EBF1: variants seen among roughly 807,000 people sequenced by gnomAD.
The protein encoded by EBF1 is EBF transcription factor 1, also known as transcription factor COE1.
EBF1 carries 10 observed loss-of-function variants against 68.4 expected under a neutral mutation model. That is an observed-to-expected ratio of 0.15 (90% CI 0.09 to 0.25). EBF1 has a LOEUF of 0.25. Ranked by LOEUF, EBF1 falls within the 10% of genes least tolerant of loss-of-function variation. The pLI is 1.00. For synonymous variants in EBF1, 298 were observed against 299.8 expected (o/e 0.99, Z 0.06); for missense variants, 509 against 794.4 (o/e 0.64, Z 4.32).
At chr5:158,727,267 A>G (rs570841452) in intron 11 of EBF1, among the ~76,000 whole-genome samples, 1 of 152,192 alleles carries the variant, frequency 6.6e-6, no homozygotes, top group East Asian at 1.9e-4. Context: ...CTCAGGGCTC[A>G]CTCTCACTCA....
intron 6 of EBF1, among the ~76,000 whole-genome samples, chr5:158,913,061 C>A (rs1303917597): frequency 6.6e-6 from 1 of 152,172 alleles, no homozygotes; most frequent in Non-Finnish European, 1.5e-5. Context: ...AGAAATACTG[C>A]ACATGAGGAT....
chr5:158,734,639 A>C (rs533133741), intron 10 of EBF1, among the ~76,000 whole-genome samples: 2 of 152,314 alleles, frequency 1.3e-5, no homozygotes, highest in Non-Finnish European at 2.9e-5. Context: ...ATTGTACCCA[A>C]GCGCAGGGCT....
chr5:158,851,232 A>T (rs1052123551), intron 6 of EBF1, among the ~76,000 whole-genome samples: 1 of 151,126 alleles, frequency 6.6e-6, no homozygotes, highest in East Asian at 2.0e-4. Context: ...AAAATTAGCC[A>T]GGCGTGGTGG....
intron 6 of EBF1, among the ~76,000 whole-genome samples, chr5:158,868,819 G>GACAAAA (rs1796373086): frequency 6.6e-6 from 1 of 152,120 alleles, no homozygotes; most frequent in Non-Finnish European, 1.5e-5. Context: ...ACAAAAGGGT[G>GACAAAA]GGAATGTCAT....
chr5:158,742,850 G>T (rs1210174851), intron 10 of EBF1, among the ~76,000 whole-genome samples: 2 of 152,050 alleles, frequency 1.3e-5, no homozygotes, highest in African/African-American at 4.8e-5. Flanking sequence ...GAACAAAGGA[G>T]AAAAAAATAG....
At chr5:158,730,111 A>G (rs1458135596) in intron 11 of EBF1, among the ~76,000 whole-genome samples, 1 of 152,282 alleles carries the variant, frequency 6.6e-6, no homozygotes, top group Non-Finnish European at 1.5e-5. Flanking sequence ...CTGTGGCAAG[A>G]AAGAGTCCTT....
intron 6 of EBF1, among the ~76,000 whole-genome samples, chr5:158,853,446 G>A (rs1793370150): frequency 1.3e-5 from 2 of 152,184 alleles, no homozygotes; most frequent in Non-Finnish European, 2.9e-5. Context: ...CCAAAAAGAT[G>A]TGCAGCTGGG....
At chr5:158,963,483 C>G (rs1052725908) in intron 6 of EBF1, among the ~76,000 whole-genome samples, 2 of 152,166 alleles carry the variant, frequency 1.3e-5, no homozygotes, top group Non-Finnish European at 2.9e-5. Context: ...GCTTCTCCCT[C>G]CAACTGAAAA....
At chr5:158,959,460 T>G (rs1446770594) in intron 6 of EBF1, among the ~76,000 whole-genome samples, 1 of 151,900 alleles carries the variant, frequency 6.6e-6, no homozygotes, top group Non-Finnish European at 1.5e-5. Flanking sequence ...CCTGGAAGAT[T>G]TTTGTATTTT....
intron 11 of EBF1, among the ~76,000 whole-genome samples, chr5:158,723,206 C>G (rs1762299463): frequency 6.6e-6 from 1 of 152,176 alleles, no homozygotes; most frequent in South Asian, 2.1e-4. Flanking sequence ...GTGAGCTAAC[C>G]TCAGGTCTAG....
intron 6 of EBF1, among the ~76,000 whole-genome samples, chr5:158,935,638 A>G (rs1283593983): frequency 6.6e-6 from 1 of 152,190 alleles, no homozygotes; most frequent in Non-Finnish European, 1.5e-5. Context: ...TAACATGATT[A>G]TTTTCTTCCC....
At chr5:158,862,090 C>T (rs1795056523) in intron 6 of EBF1, among the ~76,000 whole-genome samples, 1 of 152,062 alleles carries the variant, frequency 6.6e-6, no homozygotes, top group Non-Finnish European at 1.5e-5. Context: ...GATAAATAAT[C>T]CCTTGGTGAA....
At chr5:158,700,264 G>C (rs1012533902) in intron 15 of EBF1, among the ~76,000 whole-genome samples, 1 of 152,220 alleles carries the variant, frequency 6.6e-6, no homozygotes, top group African/African-American at 2.4e-5. Flanking sequence ...AAGAATAAAA[G>C]GATAACTAAG....
At chr5:158,719,160 T>C (rs957918623) in intron 11 of EBF1, among the ~76,000 whole-genome samples, 6 of 152,190 alleles carry the variant, frequency 3.9e-5, no homozygotes, top group Non-Finnish European at 7.4e-5. Context: ...ATATATAAAT[T>C]CCCAAAGGTC....
intron 15 of EBF1, among the ~76,000 whole-genome samples, chr5:158,707,040 A>T (rs1758011467): frequency 6.6e-6 from 1 of 152,226 alleles, no homozygotes; most frequent in South Asian, 2.1e-4. Flanking sequence ...AGTATTTAGG[A>T]GATGAATGTT....
chr5:158,868,417 C>A (rs1451445028), intron 6 of EBF1, among the ~76,000 whole-genome samples: 1 of 152,164 alleles, frequency 6.6e-6, no homozygotes, highest in Non-Finnish European at 1.5e-5. Flanking sequence ...AAAGTACTTG[C>A]ATTGCACTTC....
chr5:159,057,104 CTTTTTTTTT>C, intron 6 of EBF1, among the ~76,000 whole-genome samples: 1 of 110,658 alleles, frequency 9.0e-6, no homozygotes, highest in East Asian at 2.4e-4. Flanking sequence ...CTTTTCTTTT[CTTTTTTTTT>C]TTTTTTTTTT....
At chr5:158,842,548 G>C (rs529640982) in intron 6 of EBF1, among the ~76,000 whole-genome samples, 4 of 152,310 alleles carry the variant, frequency 2.6e-5, no homozygotes, top group African/African-American at 9.6e-5. Context: ...GGTACTACCT[G>C]TGTGACTTTG....
intron 6 of EBF1, among the ~76,000 whole-genome samples, chr5:158,960,037 C>T (rs1817866341): frequency 1.3e-5 from 2 of 152,164 alleles, no homozygotes; most frequent in African/African-American, 2.4e-5. Context: ...ATACCACACT[C>T]ACTCCTTTAA....
Sources: gnomAD v4.1 joint callset for allele counts (sites outside exome capture counted in the v4.1 genomes callset) on GRCh38, gnomAD v4.1.1 for gene constraint, MANE v1.5 for transcripts, NCBI Gene and HGNC (gene_info 2026-07-23, HGNC 2026-07-21) for gene names.